ROBO2: variants seen among roughly 807,000 people sequenced by gnomAD.
ROBO2 encodes the protein roundabout guidance receptor 2.
In ROBO2, 53 loss-of-function variants were observed where a neutral mutation model predicts 160.8. That is an observed-to-expected ratio of 0.33 (90% CI 0.26 to 0.41). The LOEUF (loss-of-function observed/expected upper bound fraction) is 0.41, where lower values mean the gene tolerates loss of function less well. Ranked by LOEUF, ROBO2 falls within the 10% of genes least tolerant of loss-of-function variation. ROBO2 has a pLI of 1.00. For synonymous variants in ROBO2, 664 were observed against 611.7 expected (o/e 1.09, Z -1.26); for missense variants, 1,577 against 1,722.4 (o/e 0.92, Z 1.49).
chr3:76,389,170 T>C (rs2077033159), intron 2 of ROBO2, among the ~76,000 whole-genome samples: 3 of 152,256 alleles, frequency 2.0e-5, no homozygotes, highest in African/African-American at 7.2e-5. Flanking sequence ...GTGCATAATA[T>C]GCATTGTAAA....
chr3:77,215,211 G>A (rs1408132745), intron 2 of ROBO2, among the ~76,000 whole-genome samples: 1 of 152,154 alleles, frequency 6.6e-6, no homozygotes, highest in African/African-American at 2.4e-5. Context: ...TCACTTTCAG[G>A]TACACCAATT....
In ROBO2 at chr3:76,451,733, C is replaced by G. The variant is rs556816560; in HGVS notation, c.109+514131C>G. On this transcript the variant is annotated intron_variant, in intron 2 of 26. Coordinates refer to the ROBO2 transcript ENST00000487694. ...AAATTGTTAGATTCAATCCGTATTC[C>G]TCTGAACTCAAAATACTAATGTCGG... Among the ~76,000 whole-genome samples the G allele has an allele frequency of 5.3e-5, 8 of 152,248 alleles. No individual in the cohort carries two copies. In the South Asian group the frequency reaches 1.7e-3, roughly 32 times the overall value.
At chr3:76,501,906 AT>A (rs1247125105) in intron 2 of ROBO2, among the ~76,000 whole-genome samples, 1 of 152,130 alleles carries the variant, frequency 6.6e-6, no homozygotes, top group Non-Finnish European at 1.5e-5. Context: ...GGACACTGTT[AT>A]TTTTATAGTT....
intron 2 of ROBO2, among the ~76,000 whole-genome samples, chr3:76,913,953 G>T (rs898918397): frequency 8.4e-6 from 1 of 119,340 alleles, no homozygotes; most frequent in Non-Finnish European, 1.7e-5. Context: ...TCCATTACAT[G>T]AGTAACTGAG....
chr3:77,500,218 C>G (rs2087386048), intron 5 of ROBO2, among the ~76,000 whole-genome samples: 1 of 152,114 alleles, frequency 6.6e-6, no homozygotes, highest in African/African-American at 2.4e-5. Flanking sequence ...CCTTACAATG[C>G]AATAAATGCT....
At chr3:77,624,111 A>G (rs1215397840) in intron 23 of ROBO2, among the ~76,000 whole-genome samples, 2 of 152,158 alleles carry the variant, frequency 1.3e-5, no homozygotes, top group Non-Finnish European at 2.9e-5. Flanking sequence ...ACTGCCATAT[A>G]TAAAAACCTC....
chr3:76,568,586 G>A (rs957421072), intron 2 of ROBO2, among the ~76,000 whole-genome samples: 39 of 152,190 alleles, frequency 2.6e-4, no homozygotes, highest in African/African-American at 9.4e-4. Context: ...GATTACAGGC[G>A]TGAGCCACCG....
At chr3:77,635,479 C>A (rs1286469642) in intron 24 of ROBO2, among the ~76,000 whole-genome samples, 1 of 151,982 alleles carries the variant, frequency 6.6e-6, no homozygotes, top group African/African-American at 2.4e-5. Context: ...ATTTCAGAGC[C>A]AAAATCAGGC....
chr3:76,362,004 T>C (rs904419695), intron 2 of ROBO2, among the ~76,000 whole-genome samples: 2 of 152,122 alleles, frequency 1.3e-5, no homozygotes, highest in Non-Finnish European at 2.9e-5. Context: ...CTTGGAGTGA[T>C]TTAAATGAGT....
At chr3:76,798,259 G>GAAGGAAA (rs2063889320) in intron 2 of ROBO2, among the ~76,000 whole-genome samples, 3 of 94,198 alleles carry the variant, frequency 3.2e-5, no homozygotes, top group African/African-American at 1.2e-4. Context: ...AAAGAAAGAA[G>GAAGGAAA]GAAAGAAAGA....
chr3:76,072,926 A>G (rs186202711), intron 2 of ROBO2, among the ~76,000 whole-genome samples: 3 of 152,230 alleles, frequency 2.0e-5, no homozygotes, highest in African/African-American at 7.2e-5. Context: ...GAAATCAATA[A>G]TAGAAAGTAC....
intron 2 of ROBO2, among the ~76,000 whole-genome samples, chr3:76,276,114 G>T (rs767265306): frequency 1.1e-4 from 17 of 152,044 alleles, no homozygotes; most frequent in African/African-American, 4.1e-4. Context: ...AACAGTCAAG[G>T]TCTTCCTAAA....
At chr3:76,396,677 T>C (rs914620852) in intron 2 of ROBO2, among the ~76,000 whole-genome samples, 1 of 151,936 alleles carries the variant, frequency 6.6e-6, no homozygotes, top group African/African-American at 2.4e-5. Flanking sequence ...TATGCACCAA[T>C]AACAGACAAA....
intron 2 of ROBO2, among the ~76,000 whole-genome samples, chr3:76,819,842 G>A (rs891266713): frequency 6.6e-6 from 1 of 152,070 alleles, no homozygotes; most frequent in Non-Finnish European, 1.5e-5. Flanking sequence ...CTCTGCTGTT[G>A]TACTGCAGTT....
intron 2 of ROBO2, among the ~76,000 whole-genome samples, chr3:76,087,215 T>C (rs755731593): frequency 2.2e-4 from 34 of 151,862 alleles, no homozygotes; most frequent in Non-Finnish European, 4.3e-4. Flanking sequence ...TGTAGGCATA[T>C]TATACTCAAA....
In ROBO2 at chr3:76,736,887, T is replaced by G. The variant is rs79911019; in HGVS notation, c.110-361127T>G. On this transcript the variant is annotated intron_variant, in intron 2 of 26. Transcript: ENST00000487694. ...TGCTTAACAAAAGTACCTTTCTATATTGTCGACAGTAAATGGTAATCTAAA... is the reference window on the plus strand; with the variant it reads ...TGCTTAACAAAAGTACCTTTCTATAGTGTCGACAGTAAATGGTAATCTAAA... Among the ~76,000 whole-genome samples, 431 of 152,326 alleles carry G rather than the reference T, an allele frequency of 2.8e-3. 1 individual carries two copies. Among genetic ancestry groups the G allele is most frequent in the Non-Finnish European group, 4.7e-3 (323 of 68,020 alleles).
At chr3:77,526,774 T>A (rs2091203641) in intron 6 of ROBO2, among the ~76,000 whole-genome samples, 1 of 151,462 alleles carries the variant, frequency 6.6e-6, no homozygotes, top group Admixed American at 6.6e-5. Context: ...CAGTCATTGT[T>A]TCCTGCCCTC....
At chr3:77,123,894 CAT>C (rs1439311245) in intron 2 of ROBO2, among the ~76,000 whole-genome samples, 1 of 132,486 alleles carries the variant, frequency 7.5e-6, no homozygotes, top group Non-Finnish European at 1.7e-5. Flanking sequence ...TATAGATACA[CAT>C]ATCTATGTAG....
chr3:77,424,153 T>A (rs2077965400), intron 2 of ROBO2, among the ~76,000 whole-genome samples: 1 of 152,140 alleles, frequency 6.6e-6, no homozygotes, highest in Non-Finnish European at 1.5e-5. Context: ...TGCACAGATA[T>A]TAAACCAGAG....
Sources: gnomAD v4.1 joint callset for allele counts (sites outside exome capture counted in the v4.1 genomes callset) on GRCh38, gnomAD v4.1.1 for gene constraint, MANE v1.5 for transcripts, NCBI Gene and HGNC (gene_info 2026-07-23, HGNC 2026-07-21) for gene names.